TCF7L2: variants seen among roughly 807,000 people sequenced by gnomAD.
TCF7L2 encodes transcription factor 7-like 2.
In TCF7L2, 23 loss-of-function variants were observed where a neutral mutation model predicts 77.9. The observed-to-expected ratio is 0.30, with a 90% CI of 0.21 to 0.42. TCF7L2 has a LOEUF of 0.42. TCF7L2 is among the 10% of genes least tolerant of loss of function. TCF7L2 has a pLI of 1.00. For missense variants in TCF7L2, 654 were observed against 793.1 expected, an observed-to-expected ratio of 0.82 and a Z score of 2.11; for synonymous variants, 413 against 340.2, an observed-to-expected ratio of 1.21 and a Z score of -2.36.
At position 112,966,134 on chromosome 10, in the gene TCF7L2, C is replaced by T. The variant is rs988759813; in HGVS notation, c.450+1510C>T. On this transcript the variant is annotated intron_variant, in intron 4 of 13. Transcript: ENST00000627217. The stretch of plus-strand genomic sequence containing the variant: ...AGGTTGCGGTGAGCCGAGATCACGC[C>T]ACTGCACTCCAGCCTGGGTGACAAG... 4.8e-5 allele frequency among the ~76,000 whole-genome samples: 7 copies of T among 146,918 alleles called. No individual in the cohort carries two copies. The East Asian group carries it at 1.4e-3, about 29-fold the overall frequency.
chr10:113,082,408 A>G (rs942897182), intron 5 of TCF7L2, among the ~76,000 whole-genome samples: 1 of 151,966 alleles, frequency 6.6e-6, no homozygotes, highest in African/African-American at 2.4e-5. Context: ...CTTATTTCCA[A>G]TTTCTCAATA....
chr10:113,029,876 T>TG (rs1454927535), intron 4 of TCF7L2, among the ~76,000 whole-genome samples: 1 of 152,174 alleles, frequency 6.6e-6, no homozygotes, highest in Non-Finnish European at 1.5e-5. Flanking sequence ...CCATCAAAGA[T>TG]GGTGCCTGAC....
At position 112,951,399 on chromosome 10, in the gene TCF7L2, T is replaced by C. The variant is rs2134199695; in HGVS notation, c.257-84T>C. 5 of 1,229,702 alleles carry C rather than the reference T, an allele frequency of 4.1e-6. No homozygotes were observed. The South Asian group carries it at 7.4e-5, about 18-fold the overall frequency. 76.2% of individuals were successfully genotyped at this position (1,229,702 alleles called of 1,614,324 possible). On this transcript the variant is annotated intron_variant, in intron 2 of 13. Coordinates refer to ENST00000627217, the MANE Select transcript of TCF7L2 (RefSeq NM_001146274.2). ...CGGCCCGGTCGGGGCGCCCGGCCCCTCGGGGCACTTTCTAAAAAGTTTCTC... is the reference window on the plus strand; with the variant it reads ...CGGCCCGGTCGGGGCGCCCGGCCCCCCGGGGCACTTTCTAAAAAGTTTCTC...
chr10:112,969,386 G>A (rs2037729190), intron 4 of TCF7L2, among the ~76,000 whole-genome samples: 3 of 152,114 alleles, frequency 2.0e-5, no homozygotes, highest in South Asian at 2.1e-4. Flanking sequence ...TCCTTCCTAC[G>A]TTGTTGGATA....
chr10:112,990,814 G>A (rs897607395), intron 4 of TCF7L2, among the ~76,000 whole-genome samples: 5 of 152,154 alleles, frequency 3.3e-5, no homozygotes, highest in African/African-American at 4.8e-5. Flanking sequence ...TGGTAATAAC[G>A]TTTCCGTACT....
intron 5 of TCF7L2, among the ~76,000 whole-genome samples, chr10:113,054,330 T>C (rs1022558024): frequency 3.5e-4 from 54 of 152,236 alleles, no homozygotes; most frequent in African/African-American, 1.3e-3. Context: ...ACCAACCATT[T>C]AATGCTATGT....
At chr10:112,961,254 A>ACCC (rs372246814) in intron 3 of TCF7L2, among the ~76,000 whole-genome samples, 3 of 60,500 alleles carry the variant, frequency 5.0e-5, no homozygotes, top group East Asian at 6.3e-4. Context: ...ACCTCAGGTG[A>ACCC]CCCCCCCCCC....
chr10:113,084,233 C>T (rs1039946850), intron 5 of TCF7L2, among the ~76,000 whole-genome samples: 1 of 152,202 alleles, frequency 6.6e-6, no homozygotes, highest in Non-Finnish European at 1.5e-5. Flanking sequence ...CATCAAGTGT[C>T]ATGGTCTGTA....
chr10:113,031,499 T>C (rs78072521), intron 4 of TCF7L2, among the ~76,000 whole-genome samples: 1 of 135,062 alleles, frequency 7.4e-6, no homozygotes, highest in African/African-American at 3.0e-5. Flanking sequence ...TTTTTTTTTT[T>C]CCTTTTGAGA....
At chr10:112,993,360 G>C (rs1167272082) in intron 4 of TCF7L2, among the ~76,000 whole-genome samples, 1 of 151,878 alleles carries the variant, frequency 6.6e-6, no homozygotes, top group African/African-American at 2.4e-5. Flanking sequence ...ACAAAAATTA[G>C]CTGGGTGTGG....
At chr10:113,099,878 A>G (rs2061440719) in intron 5 of TCF7L2, among the ~76,000 whole-genome samples, 1 of 152,176 alleles carries the variant, frequency 6.6e-6, no homozygotes, top group Non-Finnish European at 1.5e-5. Context: ...GGGAGGTGGC[A>G]TCCAGAACAC....
At chr10:113,092,605 G>A (rs1211753307) in intron 5 of TCF7L2, among the ~76,000 whole-genome samples, 2 of 152,204 alleles carry the variant, frequency 1.3e-5, no homozygotes, top group Non-Finnish European at 2.9e-5. Context: ...TGGTGGCTGG[G>A]TGTGGTGGGT....
At chr10:112,975,541 T>G (rs544902191) in intron 4 of TCF7L2, among the ~76,000 whole-genome samples, 1 of 152,276 alleles carries the variant, frequency 6.6e-6, no homozygotes, top group East Asian at 1.9e-4. Flanking sequence ...GAGTGCAGTG[T>G]TGCGATCTTG....
rs1480189207 is a variant in TCF7L2, at chr10:113,167,488, A to G, written c.*1516A>G. 4.5e-6 allele frequency: 1 copy of G among 221,116 alleles called. No homozygotes were observed. The highest frequency in any genetic ancestry group is 9.0e-6 in the Non-Finnish European group (1 of 110,544). 13.7% of individuals were successfully genotyped at this position (221,116 alleles called of 1,614,324 possible). A position where few individuals can be genotyped will look rare whatever the true frequency, so the allele number is the denominator to read the frequency against. ...TCTCTGGTTTATTAAAATGCTAACT[A>G]TAACATTTTTTGTGAATACTTTGAA... On this transcript the variant is annotated 3_prime_UTR_variant, in exon 14 of 14. Coordinates refer to ENST00000627217, the MANE Select transcript of TCF7L2 (RefSeq NM_001146274.2).
In TCF7L2 at chr10:113,075,437, C is replaced by T. The variant is rs1031714251; in HGVS notation, c.552+35311C>T. ...TCGTGCCATTGCACTCCAGCCTGGGCGACAAGAGCGAAACTCTGTGTCCAA... is the reference window on the plus strand; with the variant it reads ...TCGTGCCATTGCACTCCAGCCTGGGTGACAAGAGCGAAACTCTGTGTCCAA... On this transcript the variant is annotated intron_variant, in intron 5 of 13. Coordinates refer to ENST00000627217, the MANE Select transcript of TCF7L2 (RefSeq NM_001146274.2). 4.9e-5 allele frequency among the ~76,000 whole-genome samples: 7 copies of T among 142,742 alleles called. No homozygotes were observed. In the East Asian group the frequency reaches 1.0e-3, roughly 21 times the overall value. The allele number at this position is 142,742 out of a possible 152,430, so 93.6% of individuals were successfully genotyped here. A position where few individuals can be genotyped will look rare whatever the true frequency, so the allele number is the denominator to read the frequency against.
chr10:113,027,076 A>G (rs1444389020), intron 4 of TCF7L2, among the ~76,000 whole-genome samples: 1 of 152,212 alleles, frequency 6.6e-6, no homozygotes, highest in Non-Finnish European at 1.5e-5. Context: ...CTTAAACATG[A>G]GAAAATAAAG....
Position 113,119,681 on chromosome 10 carries a change from T to TA in TCF7L2, c.553-21496dup, listed in dbSNP as rs200785657. ...GTGTCCCTTAAGGTGTTTTTTTTTTTAAAAAAACTTATCGAAGGTTTCAAT... is the reference window on the plus strand; with the variant it reads ...GTGTCCCTTAAGGTGTTTTTTTTTTTAAAAAAAACTTATCGAAGGTTTCAAT... On this transcript the variant is annotated intron_variant, in intron 5 of 13. Coordinates refer to ENST00000627217, the MANE Select transcript of TCF7L2 (RefSeq NM_001146274.2). Among the ~76,000 whole-genome samples the TA allele has an allele frequency of 5.0e-3, 743 of 149,034 alleles. 4 individuals are homozygous for TA. The highest frequency in any genetic ancestry group is 0.013 in the African/African-American group (540 of 41,052).
chr10:112,987,604 G>T (rs2041796581), intron 4 of TCF7L2: 1 of 152,120 alleles, frequency 6.6e-6, no homozygotes, highest in Admixed American at 6.5e-5. Context: ...TGATGATGAA[G>T]CATGGGTGCA....
intron 4 of TCF7L2, among the ~76,000 whole-genome samples, chr10:113,037,423 C>G (rs2051513625): frequency 6.6e-6 from 1 of 152,078 alleles, no homozygotes; most frequent in South Asian, 2.1e-4. Context: ...GGCAGTGGGG[C>G]CGAGTCTCAT....
Sources: gnomAD v4.1 joint callset for allele counts (sites outside exome capture counted in the v4.1 genomes callset) on GRCh38, gnomAD v4.1.1 for gene constraint, MANE v1.5 for transcripts, NCBI Gene and HGNC (gene_info 2026-07-23, HGNC 2026-07-21) for gene names.